The following CYP20A1 variants were observed in gnomAD, a reference collection of about 807,000 sequenced individuals.
CYP20A1 encodes cytochrome P450 20A1.
CYP20A1 carries 61 observed loss-of-function variants against 61.4 expected under a neutral mutation model. The ratio of observed to expected loss-of-function variants is 0.99; its 90% CI spans 0.81 to 1.23. The LOEUF (loss-of-function observed/expected upper bound fraction) is 1.23. CYP20A1 is among the 50% of genes most tolerant of loss of function. The pLI, the probability that CYP20A1 is intolerant of heterozygous loss-of-function variation, is 0.00. For synonymous variants in CYP20A1, 193 were observed against 188.2 expected (o/e 1.03, Z -0.21); for missense variants, 530 against 542.4 (o/e 0.98, Z 0.23).
At chr2:203,294,940 A>ATTTTTTTTT (rs1559110323) in intron 11 of CYP20A1, among the ~76,000 whole-genome samples, 15 of 91,230 alleles carry the variant, frequency 1.6e-4, no homozygotes, top group African/African-American at 4.9e-4. Flanking sequence ...CCTTTAAAAA[A>ATTTTTTTTT]ATTTTTTTTT....
At chr2:203,244,072 C>A (rs556729561) in intron 1 of CYP20A1, among the ~76,000 whole-genome samples, 45 of 152,206 alleles carry the variant, frequency 3.0e-4, no homozygotes, top group African/African-American at 1.1e-3. Context: ...CCCTTATATT[C>A]CACGTTACCT....
intron 1 of CYP20A1, among the ~76,000 whole-genome samples, chr2:203,244,032 G>C (rs6746183): frequency 1 from 151,600 of 152,238 alleles, 75,484 homozygotes; most frequent in East Asian, 1. Flanking sequence ...ATAATTTCCA[G>C]ACCACCCTGC....
chr2:203,276,869 A>G (rs544518663), intron 6 of CYP20A1, among the ~76,000 whole-genome samples: 1 of 152,274 alleles, frequency 6.6e-6, no homozygotes, highest in African/African-American at 2.4e-5. Flanking sequence ...GAGATTAGAG[A>G]TCACCAGGTA....
rs377114012 is a variant in CYP20A1, at chr2:203,288,111, G to T, written c.972-1654G>T. 6.0e-5 allele frequency among the ~76,000 whole-genome samples: 8 copies of T among 133,396 alleles called. No individual in the cohort carries two copies. The East Asian group carries it at 1.3e-3, about 22-fold the overall frequency. The allele number at this position is 133,396 out of a possible 152,430, so 87.5% of individuals were successfully genotyped here. A position where few individuals can be genotyped will look rare whatever the true frequency, so the allele number is the denominator to read the frequency against. On this transcript the variant is annotated intron_variant, in intron 9 of 12. Transcript: ENST00000356079. ...GATGCAGTCCCTTTCTGTCACCCAG[G>T]CAGGATTGCAGTGGCGCAATCTCAG...
chr2:203,239,019 C>A lies in CYP20A1; in HGVS notation c.-44C>A. 1 of 1,574,976 alleles carries A rather than the reference C, an allele frequency of 6.3e-7. No homozygotes were observed. The highest frequency in any genetic ancestry group is 8.7e-7 in the Non-Finnish European group (1 of 1,145,588). On this transcript the variant is annotated 5_prime_UTR_variant, in exon 1 of 13. The change creates a new upstream start codon in the 5' untranslated region. Transcript: ENST00000356079. ...ATTGGGCCAGGCTGAGGCGCTGCTG[C>A]TGGAGCGGCCGATCCGAGACGTGGC...
intron 7 of CYP20A1, 124 bp from the exon 8 acceptor site, chr2:203,279,935 C>A: frequency 1.7e-6 from 1 of 580,334 alleles, no homozygotes; most frequent in South Asian, 4.3e-5. Context: ...GTGAAAACAT[C>A]AAAATGAAAT....
In CYP20A1 at chr2:203,299,142, TG is replaced by T. The variant is rs2068927106; in HGVS notation, c.*2236del. On this transcript the variant is annotated 3_prime_UTR_variant, in exon 13 of 13. Transcript: ENST00000356079. ...GCATTGTATATTAGTCCAACTTTTT[TG>T]GCTACACTATTTGTGAAGGATTCCT... Among the ~76,000 whole-genome samples the T allele has an allele frequency of 6.6e-6, 1 of 152,230 alleles. No individual in the cohort carries two copies. Among genetic ancestry groups the T allele is most frequent in the Non-Finnish European group, 1.5e-5 (1 of 68,036 alleles).
At chr2:203,256,941 T>A (rs1266185379) in intron 4 of CYP20A1, among the ~76,000 whole-genome samples, 1 of 152,184 alleles carries the variant, frequency 6.6e-6, no homozygotes, top group Non-Finnish European at 1.5e-5. Flanking sequence ...TCCAGTTTAG[T>A]TAAATATGCT....
intron 4 of CYP20A1, among the ~76,000 whole-genome samples, chr2:203,253,581 A>G (rs760411352): frequency 1.3e-5 from 2 of 152,262 alleles, no homozygotes; most frequent in African/African-American, 4.8e-5. Flanking sequence ...CGTGGTTTTT[A>G]TAAGCAGATT....
chr2:203,266,705 AT>A (rs1183600098), intron 5 of CYP20A1, 24 bp downstream of exon 5: 6 of 1,607,596 alleles, frequency 3.7e-6, no homozygotes, highest in Non-Finnish European at 5.1e-6. Context: ...TAAATTTAAA[AT>A]TACTCTTTCA....
intron 4 of CYP20A1, among the ~76,000 whole-genome samples, chr2:203,264,805 C>T (rs1412548641): frequency 3.9e-5 from 6 of 152,160 alleles, no homozygotes; most frequent in Non-Finnish European, 7.3e-5. Context: ...TCTCAGCTCA[C>T]TGCAAGCTCT....
chr2:203,273,878 C>G (rs1256023954), intron 6 of CYP20A1, among the ~76,000 whole-genome samples: 4 of 152,150 alleles, frequency 2.6e-5, no homozygotes, highest in Non-Finnish European at 2.9e-5. Flanking sequence ...ACCCTGGAGG[C>G]AGAAGTTGCA....
chr2:203,293,131 G>A (rs539018506), intron 11 of CYP20A1, among the ~76,000 whole-genome samples: 1 of 150,974 alleles, frequency 6.6e-6, no homozygotes, highest in South Asian at 2.1e-4. Flanking sequence ...CCAAGATCAT[G>A]CCATTGCACT....
At chr2:203,253,572 G>A (rs188292120) in intron 4 of CYP20A1, among the ~76,000 whole-genome samples, 242 of 152,334 alleles carry the variant, frequency 1.6e-3, no homozygotes, top group Middle Eastern at 0.01. Context: ...AAGACAGAAC[G>A]TGGTTTTTAT....
chr2:203,276,538 A>C (rs1031469087), intron 6 of CYP20A1, among the ~76,000 whole-genome samples: 1 of 152,152 alleles, frequency 6.6e-6, no homozygotes, highest in Non-Finnish European at 1.5e-5. Flanking sequence ...GAGGAAGAAA[A>C]TAATTTGGTA....
At position 203,246,774 on chromosome 2, in the gene CYP20A1, A is replaced by G. The variant is rs752590306; in HGVS notation, c.142A>G (p.Ile48Val). The change falls in exon 3 of 13, where the codon ATT becomes GTT. Residue 48 changes from isoleucine (I) to valine (V), a missense_variant. Transcript: ENST00000356079. ...TEEKDGNLPD[I>V]VNSGSLHEFL... is the part of the protein sequence containing the mutation. Reference sequence around the variant, plus strand: ...TGCCAGAGATGGTAATCTTCCAGATATTGTGAATAGTGGAAGTTTGCATGA... The same window carrying G: ...TGCCAGAGATGGTAATCTTCCAGATGTTGTGAATAGTGGAAGTTTGCATGA... 1 of 1,613,968 alleles carries G rather than the reference A, an allele frequency of 6.2e-7. No homozygotes were observed. The highest frequency in any genetic ancestry group is 8.5e-7 in the Non-Finnish European group (1 of 1,179,962).
chr2:203,271,379 C>T (rs2067593169), intron 5 of CYP20A1, among the ~76,000 whole-genome samples: 1 of 151,884 alleles, frequency 6.6e-6, no homozygotes, highest in Non-Finnish European at 1.5e-5. Context: ...TGAGCCACCG[C>T]ACCTGGCCAA....
At chr2:203,241,958 C>A (rs2066269345) in intron 1 of CYP20A1, among the ~76,000 whole-genome samples, 1 of 152,214 alleles carries the variant, frequency 6.6e-6, no homozygotes, top group South Asian at 2.1e-4. Flanking sequence ...TCTTCTGCCT[C>A]AGCCTCCCAA....
At chr2:203,278,989 G>A (rs972717127) in intron 7 of CYP20A1, among the ~76,000 whole-genome samples, 7 of 151,970 alleles carry the variant, frequency 4.6e-5, no homozygotes, top group African/African-American at 1.7e-4. Flanking sequence ...GTTTTGAGAT[G>A]GAGTCTCGCT....
Sources: gnomAD v4.1 joint callset for allele counts (sites outside exome capture counted in the v4.1 genomes callset) on GRCh38, gnomAD v4.1.1 for gene constraint, MANE v1.5 for transcripts, NCBI Gene and HGNC (gene_info 2026-07-23, HGNC 2026-07-21) for gene names.